Variants in RAB19 observed in about 807,000 individuals in gnomAD.
RAB19 encodes ras-related protein Rab-19.
RAB19 carries 21 observed loss-of-function variants against 17.3 expected under a neutral mutation model. The ratio of observed to expected loss-of-function variants is 1.21; its 90% CI spans 0.86 to 1.74. RAB19 has a LOEUF of 1.74. Among genes scored for constraint, RAB19 ranks in the 40% most tolerant of loss-of-function variants. RAB19 has a pLI of 0.00. For synonymous variants in RAB19, 126 were observed against 110.4 expected, an observed-to-expected ratio of 1.14 and a Z score of -0.88; for missense variants, 277 against 286.8, an observed-to-expected ratio of 0.97 and a Z score of 0.25.
chr7:140,413,495 G>T (rs1381053332), intron 3 of RAB19, among the ~76,000 whole-genome samples: 1 of 152,118 alleles, frequency 6.6e-6, no homozygotes, highest in Admixed American at 6.6e-5. Context: ...GATAGCTTGA[G>T]ACCATCCTGG....
intron 2 of RAB19, chr7:140,410,895 G>A (rs921596082): frequency 2.9e-6 from 4 of 1,361,534 alleles, no homozygotes; most frequent in African/African-American, 1.5e-5. Flanking sequence ...TGGTGCTGCC[G>A]CTTGGGTGGC....
At chr7:140,412,223 G>A (rs976683794) in intron 3 of RAB19, among the ~76,000 whole-genome samples, 166 bp downstream of exon 3, 3 of 152,068 alleles carry the variant, frequency 2.0e-5, no homozygotes, top group African/African-American at 4.8e-5. Flanking sequence ...AGGCTGGGGC[G>A]GGCGGATCAC....
At chr7:140,418,737 T>G (rs1000263715) in intron 3 of RAB19, among the ~76,000 whole-genome samples, 12 of 151,940 alleles carry the variant, frequency 7.9e-5, no homozygotes, top group Non-Finnish European at 1.3e-4. Context: ...CATGCGCCTG[T>G]AGTCCCAGCT....
chr7:140,407,383 C>T (rs1050855186), intron 1 of RAB19, among the ~76,000 whole-genome samples: 8 of 152,112 alleles, frequency 5.3e-5, no homozygotes, highest in East Asian at 1.9e-4. Context: ...TGGTGTTGAC[C>T]GTCCACTGGA....
chr7:140,416,723 G>A (rs181417880), intron 3 of RAB19, among the ~76,000 whole-genome samples: 6 of 152,240 alleles, frequency 3.9e-5, no homozygotes, highest in African/African-American at 9.6e-5. Flanking sequence ...GGCTGTTGGC[G>A]GGTGGACCCG....
chr7:140,424,231 C>T (rs1411147318), intron 3 of RAB19, among the ~76,000 whole-genome samples: 1 of 150,700 alleles, frequency 6.6e-6, no homozygotes, highest in Non-Finnish European at 1.5e-5. Flanking sequence ...GATCTCAGCT[C>T]ACTGCAACCT....
chr7:140,411,223 C>A (rs1799354661), intron 2 of RAB19, among the ~76,000 whole-genome samples: 2 of 152,110 alleles, frequency 1.3e-5, no homozygotes, highest in African/African-American at 4.8e-5. Context: ...CACGGTGAAA[C>A]CCCGTCTCTA....
intron 3 of RAB19, among the ~76,000 whole-genome samples, chr7:140,413,945 A>G (rs892243229): frequency 6.6e-6 from 1 of 152,080 alleles, no homozygotes; most frequent in African/African-American, 2.4e-5. Flanking sequence ...GACCAGATCC[A>G]CCTTTGTATT....
intron 2 of RAB19, chr7:140,410,933 A>T: frequency 7.3e-7 from 1 of 1,367,808 alleles, no homozygotes; most frequent in Non-Finnish European, 9.8e-7. Flanking sequence ...TTGTGAGAAC[A>T]TTCCAAACAT....
chr7:140,410,059 C>A (rs1008642770), intron 2 of RAB19, among the ~76,000 whole-genome samples: 1 of 147,294 alleles, frequency 6.8e-6, no homozygotes, highest in Non-Finnish European at 1.5e-5. Context: ...TCAAAGAAAT[C>A]AACAGAAAGG....
intron 2 of RAB19, among the ~76,000 whole-genome samples, chr7:140,410,218 G>A (rs920811348): frequency 1.3e-5 from 2 of 150,198 alleles, no homozygotes; most frequent in Non-Finnish European, 3.0e-5. Context: ...CTATAGCCTC[G>A]ACTTCCTGTG....
At chr7:140,421,040 C>G (rs1255270599) in intron 3 of RAB19, among the ~76,000 whole-genome samples, 8 of 151,292 alleles carry the variant, frequency 5.3e-5, no homozygotes, top group Non-Finnish European at 5.9e-5. Context: ...TTATAGGCGC[C>G]CACCACCACA....
chr7:140,422,805 C>T (rs1036151982), intron 3 of RAB19, among the ~76,000 whole-genome samples: 1 of 151,390 alleles, frequency 6.6e-6, no homozygotes, highest in Non-Finnish European at 1.5e-5. Context: ...GACCCTGTCT[C>T]AAAAAAAATG....
At chr7:140,421,908 GA>G (rs1799568670) in intron 3 of RAB19, among the ~76,000 whole-genome samples, 2 of 151,954 alleles carry the variant, frequency 1.3e-5, no homozygotes, top group African/African-American at 4.8e-5. Flanking sequence ...TCCTATTTAG[GA>G]AATTTTTTCT....
chr7:140,407,539 G>C, intron 1 of RAB19, 85 bp from the exon 2 acceptor site: 1 of 910,676 alleles, frequency 1.1e-6, no homozygotes, highest in Non-Finnish European at 1.8e-6. Context: ...CAAGGATGTA[G>C]CACTGTGAAG....
At chr7:140,417,580 G>T (rs750057095) in intron 3 of RAB19, among the ~76,000 whole-genome samples, 3 of 152,190 alleles carry the variant, frequency 2.0e-5, no homozygotes, top group African/African-American at 7.2e-5. Flanking sequence ...AAAAACACAC[G>T]CATGGTTCTC....
chr7:140,406,886 T>G (rs527732662), intron 1 of RAB19, among the ~76,000 whole-genome samples: 5 of 149,970 alleles, frequency 3.3e-5, no homozygotes, highest in Non-Finnish European at 5.9e-5. Context: ...TTTTTGTTTT[T>G]TGGGTGTTTT....
intron 2 of RAB19, among the ~76,000 whole-genome samples, chr7:140,408,716 T>C (rs956362000): frequency 6.6e-6 from 1 of 152,026 alleles, no homozygotes; most frequent in South Asian, 2.1e-4. Context: ...CCTCAAGTGA[T>C]CCGCCCACCT....
intron 3 of RAB19, among the ~76,000 whole-genome samples, chr7:140,423,851 CT>C (rs1799604187): frequency 1.3e-5 from 2 of 151,786 alleles, no homozygotes; most frequent in African/African-American, 2.4e-5. Context: ...TGACAAGAAA[CT>C]TTTTTTTCCT....
Sources: allele counts gnomAD v4.1 joint callset (sites outside exome capture counted in the v4.1 genomes callset), GRCh38; gene constraint gnomAD v4.1.1; transcripts MANE v1.5; gene names NCBI Gene and HGNC (gene_info 2026-07-23, HGNC 2026-07-21).